Variants in IPO9 observed in about 807,000 individuals in gnomAD.
IPO9 encodes importin 9.
IPO9 carries 28 observed loss-of-function variants against 128.6 expected under a neutral mutation model. That is an observed-to-expected ratio of 0.22 (90% CI 0.16 to 0.30). IPO9 has a LOEUF of 0.30. IPO9 is among the 10% of genes least tolerant of loss of function. The pLI is 1.00. For synonymous variants in IPO9, 455 were observed against 475.8 expected (o/e 0.96, Z 0.57); for missense variants, 935 against 1,293.9 (o/e 0.72, Z 4.26).
chr1:201,855,284 A>G (rs573112511), intron 9 of IPO9, 102 bp downstream of exon 9: 526 of 693,072 alleles, frequency 7.6e-4, no homozygotes, highest in Non-Finnish European at 9.0e-4. Flanking sequence ...GCTTCACTCT[A>G]TTAAGTGTTT....
At chr1:201,871,366 ACT>A in intron 19 of IPO9, 39 bp downstream of exon 19, 1 of 617,900 alleles carries the variant, frequency 1.6e-6, no homozygotes, top group Non-Finnish European at 2.4e-6. Context: ...TTCTGCCACC[ACT>A]CATATTTCTT....
chr1:201,870,843 G>T lies in IPO9; in HGVS notation c.2394G>T (p.Thr798=), dbSNP rs1172700047. 1 of 1,612,374 alleles carries T rather than the reference G, an allele frequency of 6.2e-7. No homozygotes were observed. Among genetic ancestry groups the T allele is most frequent in the Non-Finnish European group, 8.5e-7 (1 of 1,179,004 alleles). The change falls in exon 18 of 24, where the codon ACG becomes ACT. Residue 798 remains threonine (T), a synonymous_variant. Transcript: ENST00000361565. The surrounding 1 kb of genome is among the most constrained non-coding windows in gnomAD (Gnocchi z 4.9). ...AILSKMQQAE[T]LSVMQSLIMV... ...TCAGTAAGATGCAGCAGGCAGAGAC[G>T]CTCAGTGTCATGCAGGTAAGAGAGC...
chr1:201,874,758 C>A, intron 21 of IPO9, 74 bp from the exon 22 acceptor site: 1 of 1,028,356 alleles, frequency 9.7e-7, no homozygotes, highest in Non-Finnish European at 1.5e-6. Flanking sequence ...CCCTTCTATT[C>A]TGGCCTATTT....
At chr1:201,855,353 A>C (rs1459854958) in intron 9 of IPO9, among the ~76,000 whole-genome samples, 171 bp downstream of exon 9, 2 of 152,228 alleles carry the variant, frequency 1.3e-5, no homozygotes, top group Non-Finnish European at 2.9e-5. Context: ...GACAATCTTT[A>C]ATCTGTTCCA....
Position 201,882,031 on chromosome 1 carries a change from G to A in IPO9, c.*5977G>A, listed in dbSNP as rs943617161. 6.6e-6 allele frequency: 1 copy of A among 152,156 alleles called. No individual in the cohort carries two copies. Among genetic ancestry groups the A allele is most frequent in the Non-Finnish European group, 1.5e-5 (1 of 68,030 alleles). 9.4% of individuals were successfully genotyped at this position (152,156 alleles called of 1,614,324 possible). ...CGATCAGAGGCTAGACCTTTAGTTA[G>A]CAGTCACGGGAAAATTCCCCATTCT... On this transcript the variant is annotated 3_prime_UTR_variant, in exon 24 of 24. Transcript: ENST00000361565.
In IPO9 at chr1:201,859,048, T is replaced by C. The variant is rs1300736299; in HGVS notation, c.1468+54T>C. 15 of 1,567,430 alleles carry C rather than the reference T, an allele frequency of 9.6e-6. No individual in the cohort carries two copies. In the Admixed American group the frequency reaches 1.2e-4, roughly 12 times the overall value. ...GAAACTCTTTAAACCTGTTGTGGGG[T>C]TGGGGGAGGGATCAGCATTAGGAGA... On this transcript the variant is annotated intron_variant, in intron 13 of 23. Coordinates refer to ENST00000361565, the MANE Select transcript of IPO9 (RefSeq NM_018085.5).
intron 14 of IPO9, among the ~76,000 whole-genome samples, chr1:201,866,417 T>C (rs1680554717): frequency 6.6e-6 from 1 of 150,882 alleles, no homozygotes; most frequent in African/African-American, 2.4e-5. Context: ...CTACAGCTAA[T>C]AGGCTGATTT....
chr1:201,862,103 GA>G (rs1330832976), intron 13 of IPO9, among the ~76,000 whole-genome samples: 6 of 152,164 alleles, frequency 3.9e-5, no homozygotes, highest in Non-Finnish European at 5.9e-5. Context: ...GTGGACTATG[GA>G]ATTAATTGAC....
At chr1:201,839,377 C>T (rs370667783) in intron 1 of IPO9, among the ~76,000 whole-genome samples, 1 of 151,988 alleles carries the variant, frequency 6.6e-6, no homozygotes, top group African/African-American at 2.4e-5. Flanking sequence ...CCACCACGCC[C>T]AGCTGATTTT....
chr1:201,836,820 G>A (rs572353656), intron 1 of IPO9, among the ~76,000 whole-genome samples: 6 of 152,076 alleles, frequency 3.9e-5, no homozygotes, highest in Non-Finnish European at 8.8e-5. Flanking sequence ...TGAAACATGT[G>A]GTCATGTTGG....
chr1:201,878,578 C>G lies in IPO9; in HGVS notation c.*2524C>G, dbSNP rs1014001529. The G allele has an allele frequency of 6.6e-6, 1 of 152,624 alleles. No individual in the cohort carries two copies. Among genetic ancestry groups the G allele is most frequent in the Admixed American group, 6.5e-5 (1 of 15,274 alleles). The allele number at this position is 152,624 out of a possible 1,614,324, so 9.5% of individuals were successfully genotyped here. A position where few individuals can be genotyped will look rare whatever the true frequency, so the allele number is the denominator to read the frequency against. ...GAACTTGAGTCCTGAGGAAAGGGCCCTAGTAACACTTAAGGGCTACCCCTG... is the reference window on the plus strand; with the variant it reads ...GAACTTGAGTCCTGAGGAAAGGGCCGTAGTAACACTTAAGGGCTACCCCTG... On this transcript the variant is annotated 3_prime_UTR_variant, in exon 24 of 24. Coordinates refer to ENST00000361565, the MANE Select transcript of IPO9 (RefSeq NM_018085.5).
At chr1:201,860,836 A>G (rs1244907403) in intron 13 of IPO9, among the ~76,000 whole-genome samples, 3 of 152,220 alleles carry the variant, frequency 2.0e-5, no homozygotes, top group East Asian at 1.9e-4. Context: ...ATCACATACC[A>G]TATAACCTCT....
rs1426015117 is a variant in IPO9, at chr1:201,835,425, A to T, written c.163+6053A>T. On this transcript the variant is annotated intron_variant, in intron 1 of 23. Coordinates refer to ENST00000361565, the MANE Select transcript of IPO9 (RefSeq NM_018085.5). The stretch of plus-strand genomic sequence containing the variant: ...CAAAAGACTAAAAGAGAATGAGACT[A>T]GAGAATGAAAGAGGGCAGAGGATTT... Among the ~76,000 whole-genome samples, 3 of 152,250 alleles carry T rather than the reference A, an allele frequency of 2.0e-5. No individual in the cohort carries two copies. The East Asian group carries it at 5.8e-4, about 29-fold the overall frequency.
intron 6 of IPO9, among the ~76,000 whole-genome samples, chr1:201,853,367 TGTG>T (rs1234741923): frequency 6.6e-6 from 1 of 151,008 alleles, no homozygotes; most frequent in Non-Finnish European, 1.5e-5. Flanking sequence ...GAACTACAGG[TGTG>T]GTGTGCACCA....
chr1:201,876,056 A>G lies in IPO9; in HGVS notation c.*2A>G, dbSNP rs770990672. ...GTTCTACAGACCATCGGCATCTAAA[A>G]AGGGGAGCCTTTCTACATTTGCTCC... is the stretch of plus-strand genomic sequence containing the variant. On this transcript the variant is annotated 3_prime_UTR_variant, in exon 24 of 24. Coordinates refer to ENST00000361565, the MANE Select transcript of IPO9 (RefSeq NM_018085.5). The G allele has an allele frequency of 3.3e-5, 52 of 1,591,954 alleles. 1 individual carries two copies. In the South Asian group the frequency reaches 5.6e-4, roughly 17 times the overall value.
chr1:201,882,947 A>G lies in IPO9; in HGVS notation c.*6893A>G, dbSNP rs1482975342. 1 of 152,488 alleles carries G rather than the reference A, an allele frequency of 6.6e-6. No homozygotes were observed. Among genetic ancestry groups the G allele is most frequent in the Admixed American group, 6.5e-5 (1 of 15,274 alleles). The allele number at this position is 152,488 out of a possible 1,614,324, so 9.4% of individuals were successfully genotyped here. ...CATTCTTCCTGACTCACTGGATTAC[A>G]CTGTGACTCAGTTCAATTTCACACA... On this transcript the variant is annotated 3_prime_UTR_variant, in exon 24 of 24. Coordinates refer to ENST00000361565, the MANE Select transcript of IPO9 (RefSeq NM_018085.5).
intron 1 of IPO9, among the ~76,000 whole-genome samples, chr1:201,831,445 G>T (rs535893640): frequency 6.6e-6 from 1 of 152,216 alleles, no homozygotes; most frequent in Non-Finnish European, 1.5e-5. Flanking sequence ...TTTGGAGGCT[G>T]CTTGTGTCTT....
Position 201,871,178 on chromosome 1 carries a change from C to T in IPO9, c.2427C>T (p.Phe809=), listed in dbSNP as rs763636952. ...TCTCCTAGTCCCTGATCATGGTGTT[C>T]GCTCATCTGGTGCACACTCAGCTAG... ...LSVMQSLIMV[F]AHLVHTQLEP... Residue 809 remains phenylalanine (F), a synonymous_variant, in exon 19 of 24, where the codon TTC becomes TTT. Coordinates refer to ENST00000361565, the MANE Select transcript of IPO9 (RefSeq NM_018085.5). 3 of 1,613,194 alleles carry T rather than the reference C, an allele frequency of 1.9e-6. No homozygotes were observed. The highest frequency in any genetic ancestry group is 1.7e-5 in the Admixed American group (1 of 59,792).
At chr1:201,853,163 G>C (rs1680256699) in intron 6 of IPO9, 66 bp downstream of exon 6, 1 of 1,246,940 alleles carries the variant, frequency 8.0e-7, no homozygotes, top group Non-Finnish European at 1.2e-6. Context: ...AGAGCAGTGA[G>C]TCATTTCATG....
Sources: allele counts gnomAD v4.1 joint callset (sites outside exome capture counted in the v4.1 genomes callset), GRCh38; gene constraint gnomAD v4.1.1; non-coding constraint Gnocchi (gnomAD v3.1); transcripts MANE v1.5; gene names NCBI Gene and HGNC (gene_info 2026-07-23, HGNC 2026-07-21).